Variants in SKI observed in about 807,000 individuals in gnomAD.
SKI encodes ski oncogene.
A neutral mutation model predicts 59.3 loss-of-function variants in SKI; 23 were observed. The ratio of observed to expected loss-of-function variants is 0.39; its 90% confidence interval spans 0.28 to 0.55. The LOEUF (loss-of-function observed/expected upper bound fraction) is 0.55. Among genes scored for constraint, SKI ranks in the 20% least tolerant of loss-of-function variants. The pLI is 0.67. For missense variants in SKI, 1,017 were observed against 1,038.9 expected, an observed-to-expected ratio of 0.98 and a Z score of 0.29; for synonymous variants, 673 against 488.6, an observed-to-expected ratio of 1.38 and a Z score of -4.98.
chr1:2,271,787 C>T (rs1362667536), intron 1 of SKI, among the ~76,000 whole-genome samples: 2 of 152,106 alleles, frequency 1.3e-5, no homozygotes, highest in Non-Finnish European at 2.9e-5. Flanking sequence ...CTCCCCCCAA[C>T]CTCACGTCCA....
intron 1 of SKI, among the ~76,000 whole-genome samples, chr1:2,277,563 G>GTT (rs1343617389): frequency 1.6e-4 from 25 of 152,330 alleles, no homozygotes; most frequent in African/African-American, 6.0e-4. Context: ...ATGTGGAACT[G>GTT]TAAGTCCAAT....
chr1:2,282,419 T>C (rs2645079), intron 1 of SKI, among the ~76,000 whole-genome samples: 1,074 of 35,924 alleles, frequency 0.03, 14 homozygotes, highest in East Asian at 0.032. Flanking sequence ...AGAGAGAGGA[T>C]GCCCGAGAAG....
At chr1:2,265,822 G>A (rs983467302) in intron 1 of SKI, among the ~76,000 whole-genome samples, 2 of 152,002 alleles carry the variant, frequency 1.3e-5, no homozygotes, top group Admixed American at 6.6e-5. Flanking sequence ...ACAAAAATTA[G>A]CCAGGCGTGG....
chr1:2,251,901 G>A (rs185719276), intron 1 of SKI, among the ~76,000 whole-genome samples: 16 of 152,312 alleles, frequency 1.1e-4, no homozygotes, highest in Non-Finnish European at 1.9e-4. Flanking sequence ...CGGGCACAGC[G>A]TGGCTGAACC....
rs544459354 is a variant in SKI, at chr1:2,308,033, A to C, written c.*1268A>C. 1 of 152,532 alleles carries C rather than the reference A, an allele frequency of 6.6e-6. No homozygotes were observed. Among genetic ancestry groups the C allele is most frequent in the South Asian group, 2.1e-4 (1 of 4,822 alleles). The allele number at this position is 152,532 out of a possible 1,614,324, so 9.4% of individuals were successfully genotyped here. ...GAATAAGTTCCTTGCATTTATTCCA[A>C]ATAATCTCGTTTACTCTCACCTGTT... On this transcript the variant is annotated 3_prime_UTR_variant, in exon 7 of 7. Coordinates refer to ENST00000378536, the MANE Select transcript of SKI (RefSeq NM_003036.4).
chr1:2,233,511 G>A (rs1638689045), intron 1 of SKI, among the ~76,000 whole-genome samples: 1 of 152,158 alleles, frequency 6.6e-6, no homozygotes. Context: ...GTGGGCTGGC[G>A]TGGGTCTCAG....
chr1:2,273,762 G>A (rs10910044), intron 1 of SKI, among the ~76,000 whole-genome samples: 7 of 152,198 alleles, frequency 4.6e-5, no homozygotes, highest in Admixed American at 1.3e-4. Flanking sequence ...AAGATGCCCC[G>A]TGGGCAGCGT....
At chr1:2,253,948 G>C (rs760071850) in intron 1 of SKI, among the ~76,000 whole-genome samples, 13 of 152,250 alleles carry the variant, frequency 8.5e-5, no homozygotes, top group Non-Finnish European at 1.9e-4. Context: ...CCTGCTGCTG[G>C]AAGAGAAGGC....
chr1:2,228,903 C>G lies in SKI; in HGVS notation c.137C>G (p.Ala46Gly), dbSNP rs1210974703. The change falls in exon 1 of 7, where the codon GCC becomes GGC. Residue 46 changes from alanine (A) to glycine (G), a missense_variant. Coordinates refer to ENST00000378536, the MANE Select transcript of SKI (RefSeq NM_003036.4). ...TTCTCGGCGCGCTGGGCGCAGGAGG[C>G]CTACAAGAAGGAGAGCGCCAAGGAG... is the stretch of plus-strand genomic sequence containing the variant. ...AAFSARWAQE[A>G]YKKESAKEAG... The G allele has an allele frequency of 1.2e-5, 17 of 1,417,506 alleles. No homozygotes were observed. The highest frequency in any genetic ancestry group is 1.6e-5 in the Non-Finnish European group (17 of 1,080,920). 87.8% of individuals were successfully genotyped at this position (1,417,506 alleles called of 1,614,324 possible).
At chr1:2,240,654 G>C (rs953693288) in intron 1 of SKI, 1 of 985,358 alleles carries the variant, frequency 1.0e-6, no homozygotes, top group African/African-American at 1.7e-5. Flanking sequence ...AAGAAAACTT[G>C]GAATTCTTCG....
At chr1:2,299,343 G>A (rs912048006) in intron 1 of SKI, among the ~76,000 whole-genome samples, 1 of 152,196 alleles carries the variant, frequency 6.6e-6, no homozygotes, top group Non-Finnish European at 1.5e-5. Context: ...AGGCCACAGT[G>A]GGGGAAGTGG....
intron 1 of SKI, among the ~76,000 whole-genome samples, chr1:2,282,930 AC>A (rs1227017348): frequency 6.6e-6 from 1 of 152,146 alleles, no homozygotes; most frequent in Non-Finnish European, 1.5e-5. Flanking sequence ...CACTGTGTAC[AC>A]TGAAGAGGAG....
chr1:2,285,964 C>A (rs999596143), intron 1 of SKI, among the ~76,000 whole-genome samples: 2 of 150,544 alleles, frequency 1.3e-5, no homozygotes, highest in African/African-American at 2.5e-5. Flanking sequence ...AGCTCTGCCT[C>A]CCCGGTTCAC....
intron 1 of SKI, among the ~76,000 whole-genome samples, chr1:2,277,714 G>A (rs1026855235): frequency 2.4e-5 from 3 of 125,800 alleles, no homozygotes; most frequent in African/African-American, 9.4e-5. Context: ...GCACACACAC[G>A]TCAGTCCTGT....
At chr1:2,294,510 G>A (rs540392563) in intron 1 of SKI, among the ~76,000 whole-genome samples, 4 of 152,320 alleles carry the variant, frequency 2.6e-5, no homozygotes, top group East Asian at 3.9e-4. Flanking sequence ...AGACCACGTC[G>A]TGCCGTTTCC....
Position 2,308,966 on chromosome 1 carries a change from G to C in SKI, c.*2201G>C, listed in dbSNP as rs924766925. 1.3e-5 allele frequency: 2 copies of C among 152,330 alleles called. No homozygotes were observed. The highest frequency in any genetic ancestry group is 4.8e-5 in the African/African-American group (2 of 41,462). 9.4% of individuals were successfully genotyped at this position (152,330 alleles called of 1,614,324 possible). On this transcript the variant is annotated 3_prime_UTR_variant, in exon 7 of 7. Transcript: ENST00000378536. ...CTTCGGCTCTGGGAGGGTCCAGCCA[G>C]TGTCACCTGGGCCCACCCTTTCCTG...
In SKI at chr1:2,229,313, G is replaced by C; in HGVS notation, c.547G>C (p.Glu183Gln). 6.3e-7 allele frequency: 1 copy of C among 1,595,734 alleles called. No homozygotes were observed. The highest frequency in any genetic ancestry group is 8.5e-7 in the Non-Finnish European group (1 of 1,172,048). Residue 183 changes from glutamate (E) to glutamine (Q), a missense_variant, in exon 1 of 7, where the codon GAG becomes CAG. Transcript: ENST00000378536. This position sits in a 1 kb window ranked among gnomAD's most constrained non-coding sequence, Gnocchi z 6.3. ...SCGLITKTDA[E>Q]RLCNALLYGG... ...CGGGCTCATCACCAAGACGGACGCC[G>C]AGCGCCTGTGCAACGCGCTGCTCTA...
chr1:2,258,771 A>G (rs543296766), intron 1 of SKI, among the ~76,000 whole-genome samples: 39 of 151,082 alleles, frequency 2.6e-4, no homozygotes, highest in Non-Finnish European at 1.6e-4. Context: ...CTGATCTTGA[A>G]CTCCTGACCT....
At chr1:2,257,392 G>A (rs1008303022) in intron 1 of SKI, among the ~76,000 whole-genome samples, 4 of 152,360 alleles carry the variant, frequency 2.6e-5, no homozygotes, top group Admixed American at 6.5e-5. Flanking sequence ...GCAGACGTGC[G>A]GGCCAGCCCC....
Sources: gnomAD v4.1 joint callset for allele counts (sites outside exome capture counted in the v4.1 genomes callset) on GRCh38, gnomAD v4.1.1 for gene constraint, Gnocchi (gnomAD v3.1) non-coding constraint, MANE v1.5 for transcripts, NCBI Gene and HGNC (gene_info 2026-07-23, HGNC 2026-07-21) for gene names.